CACNA1A: variants seen among roughly 807,000 people sequenced by gnomAD.
CACNA1A encodes voltage-dependent P/Q-type calcium channel subunit alpha-1A.
Under a neutral mutation model 262.4 loss-of-function variants are expected in CACNA1A, and 57 were observed. That is an observed-to-expected ratio of 0.22 (90% CI 0.18 to 0.27). The LOEUF is 0.27. CACNA1A is among the 10% of genes least tolerant of loss of function. The pLI is 1.00. For synonymous variants in CACNA1A, 1,431 were observed against 1,419.3 expected, an observed-to-expected ratio of 1.01 and a Z score of -0.18; for missense variants, 2,526 against 3,562.8, an observed-to-expected ratio of 0.71 and a Z score of 7.41.
intron 24 of CACNA1A, chr19:13,263,299 C>G (rs1300225663): frequency 5.9e-6 from 1 of 168,434 alleles, no homozygotes; most frequent in African/African-American, 2.4e-5. Context: ...TCCCAAGTAG[C>G]TGGGACTACA....
chr19:13,435,209 G>A (rs912976889), intron 3 of CACNA1A, among the ~76,000 whole-genome samples: 4 of 151,850 alleles, frequency 2.6e-5, no homozygotes, highest in South Asian at 4.2e-4. Context: ...TGCCTCCTGG[G>A]TTCAAGCAAT....
At chr19:13,328,649 C>A (rs1038386642) in intron 10 of CACNA1A, among the ~76,000 whole-genome samples, 1 of 151,858 alleles carries the variant, frequency 6.6e-6, no homozygotes, top group Non-Finnish European at 1.5e-5. Context: ...AGTCATTGTA[C>A]GTAAATGTGC....
At chr19:13,336,263 C>T (rs1400421669) in intron 6 of CACNA1A, among the ~76,000 whole-genome samples, 1 of 152,108 alleles carries the variant, frequency 6.6e-6, no homozygotes, top group African/African-American at 2.4e-5. Flanking sequence ...TCCCTGGTTC[C>T]TTCTCTTCTC....
chr19:13,400,900 C>T (rs2059889446), intron 3 of CACNA1A, among the ~76,000 whole-genome samples: 1 of 152,204 alleles, frequency 6.6e-6, no homozygotes, highest in Non-Finnish European at 1.5e-5. Context: ...TCTTTGCTCA[C>T]TGCAACCTCC....
At chr19:13,321,699 AAC>A (rs140081719) in intron 10 of CACNA1A, among the ~76,000 whole-genome samples, 14,118 of 152,054 alleles carry the variant, frequency 0.093, 978 homozygotes, top group East Asian at 0.36. Context: ...GTACAGTAAA[AAC>A]ACAGTATAAA....
At chr19:13,450,902 C>T (rs1408740220) in intron 3 of CACNA1A, 2 of 152,186 alleles carry the variant, frequency 1.3e-5, no homozygotes, top group Non-Finnish European at 2.9e-5. Flanking sequence ...TGGGCCCAAG[C>T]AATCCTCCCA....
intron 24 of CACNA1A, chr19:13,275,611 G>A (rs977564984): frequency 3.1e-5 from 17 of 547,016 alleles, no homozygotes; most frequent in Non-Finnish European, 4.6e-5. Flanking sequence ...GCTGAGGCCC[G>A]TTGCTGTGTG....
At chr19:13,357,476 C>T (rs2059025637) in intron 6 of CACNA1A, among the ~76,000 whole-genome samples, 1 of 152,160 alleles carries the variant, frequency 6.6e-6, no homozygotes. Context: ...GAAGAGGAGA[C>T]CTCCACTGGT....
rs780908964 is a variant in CACNA1A, at chr19:13,294,487, C to CTTTTTTTTTTTTT, written c.3089+4044_3089+4056dup. Reference sequence around the variant, plus strand: ...TACAGGTGCATACCACTGTACCTGGCTTTTTTTTTTTTTTTTTTTTTTTGA... The same window carrying CTTTTTTTTTTTTT: ...TACAGGTGCATACCACTGTACCTGGCTTTTTTTTTTTTTTTTTTTTTTTTTTTTTTTTTTTTGA... On this transcript the variant is annotated intron_variant, in intron 19 of 46. Coordinates refer to ENST00000360228, the MANE Select transcript of CACNA1A (RefSeq NM_001127222.2). 1.5e-4 allele frequency among the ~76,000 whole-genome samples: 11 copies of CTTTTTTTTTTTTT among 72,526 alleles called. 1 individual carries two copies. Among genetic ancestry groups the CTTTTTTTTTTTTT allele is most frequent in the African/African-American group, 5.2e-4 (8 of 15,310 alleles). 47.6% of individuals were successfully genotyped at this position (72,526 alleles called of 152,430 possible).
Position 13,236,187 on chromosome 19 carries a change from T to C in CACNA1A, c.4951-457A>G, listed in dbSNP as rs17639705. Reference sequence around the variant, plus strand: ...GCCGGTCAAGTTGCGGAATCTATCATACGTGTACGATGCACAAACACCAGG... The same window carrying C: ...GCCGGTCAAGTTGCGGAATCTATCACACGTGTACGATGCACAAACACCAGG... On this transcript the variant is annotated intron_variant, in intron 31 of 46. Transcript: ENST00000360228. The surrounding 1 kb of genome is among the most constrained non-coding windows in gnomAD (Gnocchi z 4.6). Among the ~76,000 whole-genome samples the C allele has an allele frequency of 0.012, 1,669 of 140,000 alleles. 12 individuals carry two copies. The highest frequency in any genetic ancestry group is 0.016 in the Non-Finnish European group (1,035 of 65,748). The allele number at this position is 140,000 out of a possible 152,430, so 91.8% of individuals were successfully genotyped here. A position where few individuals can be genotyped will look rare whatever the true frequency, so the allele number is the denominator to read the frequency against.
At chr19:13,358,395 G>T (rs2059044154) in intron 6 of CACNA1A, among the ~76,000 whole-genome samples, 1 of 152,196 alleles carries the variant, frequency 6.6e-6, no homozygotes, top group Non-Finnish European at 1.5e-5. Context: ...GAAGAACCCT[G>T]TCTCTACAAA....
Position 13,241,565 on chromosome 19 carries a change from CGGGG to C in CACNA1A, c.4950+3613_4950+3616del. Reference sequence around the variant, plus strand: ...TTGAAGATGAGGGGGAGCGGGCGGGCGGGGGCAGTTGGGGAGGCGTGTTCAGCAT... The same window carrying C: ...TTGAAGATGAGGGGGAGCGGGCGGGCGCAGTTGGGGAGGCGTGTTCAGCAT... On this transcript the variant is annotated intron_variant, in intron 31 of 46. Transcript: ENST00000360228. The surrounding 1 kb of genome is among the most constrained non-coding windows in gnomAD (Gnocchi z 4.0). 1 of 193,572 alleles carries C rather than the reference CGGGG, an allele frequency of 5.2e-6. No homozygotes were observed. Among genetic ancestry groups the C allele is most frequent in the Non-Finnish European group, 9.7e-6 (1 of 102,664 alleles). 12.0% of individuals were successfully genotyped at this position (193,572 alleles called of 1,614,324 possible).
rs201596911 is a variant in CACNA1A at position 13,221,237 on chromosome 19, T to TCTTTC, written c.5731+3429_5731+3430insGAAAG. Among the ~76,000 whole-genome samples the TCTTTC allele has an allele frequency of 6.9e-4, 33 of 48,068 alleles. 1 individual carries two copies. Among genetic ancestry groups the TCTTTC allele is most frequent in the Non-Finnish European group, 8.8e-4 (21 of 23,950 alleles). The allele number at this position is 48,068 out of a possible 152,430, so 31.5% of individuals were successfully genotyped here. A position where few individuals can be genotyped will look rare whatever the true frequency, so the allele number is the denominator to read the frequency against. Reference sequence around the variant, plus strand: ...TTTTTCTTTTCTTTCTTTCTTTCTTTTTTTTTTTTTTTTTGAGACAGAGTC... The same window carrying TCTTTC: ...TTTTTCTTTTCTTTCTTTCTTTCTTTCTTTCTTTTTTTTTTTTTTGAGACAGAGTC... On this transcript the variant is annotated intron_variant, in intron 38 of 46. Transcript: ENST00000360228.
At chr19:13,483,581 T>G (rs1397228251) in intron 1 of CACNA1A, among the ~76,000 whole-genome samples, 2 of 152,066 alleles carry the variant, frequency 1.3e-5, no homozygotes, top group African/African-American at 4.8e-5. Context: ...TCCGGGAAGA[T>G]AGCTGAAAAA....
intron 1 of CACNA1A, among the ~76,000 whole-genome samples, chr19:13,490,731 AAG>A (rs758780412): frequency 8.6e-5 from 12 of 139,540 alleles, no homozygotes; most frequent in Non-Finnish European, 1.4e-4. Context: ...GAAAGAAAGA[AAG>A]AGAAAAGAAA....
intron 3 of CACNA1A, among the ~76,000 whole-genome samples, chr19:13,409,890 A>G (rs1164102163): frequency 2.6e-5 from 4 of 152,124 alleles, no homozygotes; most frequent in African/African-American, 7.2e-5. Flanking sequence ...ATTATTGAAT[A>G]AATTAGAACT....
intron 6 of CACNA1A, among the ~76,000 whole-genome samples, chr19:13,336,594 G>GGGGAGA (rs1555768097): frequency 7.6e-5 from 5 of 65,506 alleles, no homozygotes; most frequent in African/African-American, 2.0e-4. Context: ...AGAGAGAGAG[G>GGGGAGA]GAGAGAGAGA....
At chr19:13,439,280 T>G (rs1354312614) in intron 3 of CACNA1A, among the ~76,000 whole-genome samples, 1 of 150,240 alleles carries the variant, frequency 6.7e-6, no homozygotes, top group Non-Finnish European at 1.5e-5. Context: ...AGCTAATTTG[T>G]TGTATTTTTA....
In CACNA1A at chr19:13,241,577, G is replaced by T; in HGVS notation, c.4950+3605C>A. 2.9e-6 allele frequency: 3 copies of T among 1,039,446 alleles called. No homozygotes were observed. The South Asian group carries it at 4.0e-5, about 14-fold the overall frequency. The allele number at this position is 1,039,446 out of a possible 1,614,324, so 64.4% of individuals were successfully genotyped here. Reference sequence around the variant, plus strand: ...GGGAGCGGGCGGGCGGGGGCAGTTGGGGAGGCGTGTTCAGCATTTTTTAGG... The same window carrying T: ...GGGAGCGGGCGGGCGGGGGCAGTTGTGGAGGCGTGTTCAGCATTTTTTAGG... On this transcript the variant is annotated intron_variant, in intron 31 of 46. Transcript: ENST00000360228. This position sits in a 1 kb window ranked among gnomAD's most constrained non-coding sequence, Gnocchi z 4.0.
Sources: gnomAD v4.1 joint callset for allele counts (sites outside exome capture counted in the v4.1 genomes callset) on GRCh38, gnomAD v4.1.1 for gene constraint, Gnocchi (gnomAD v3.1) non-coding constraint, MANE v1.5 for transcripts, NCBI Gene and HGNC (gene_info 2026-07-23, HGNC 2026-07-21) for gene names.